The following EPC2 variants were observed in gnomAD, a reference collection of about 807,000 sequenced individuals.
The protein encoded by EPC2 is enhancer of polycomb 2.
A neutral mutation model predicts 92.1 loss-of-function variants in EPC2; 14 were observed. The observed-to-expected ratio is 0.15, with a 90% confidence interval of 0.10 to 0.24. The LOEUF (loss-of-function observed/expected upper bound fraction) is 0.24, where lower values mean the gene tolerates loss of function less well. EPC2 is among the 10% of genes least tolerant of loss of function. The probability of loss-of-function intolerance (pLI) is 1.00; values close to 1 mark genes in which losing one functional copy is unlikely to be tolerated. For missense variants in EPC2, 755 were observed against 971.5 expected (o/e 0.78, Z 2.96); for synonymous variants, 340 against 334.7 (o/e 1.02, Z -0.17).
chr2:148,735,459 G>C (rs1042371608), intron 2 of EPC2, among the ~76,000 whole-genome samples: 1 of 151,660 alleles, frequency 6.6e-6, no homozygotes, highest in Non-Finnish European at 1.5e-5. Context: ...TTTTCTCTGG[G>C]TCATTTTCTT....
intron 1 of EPC2, among the ~76,000 whole-genome samples, chr2:148,689,191 T>A (rs1477587115): frequency 6.6e-6 from 1 of 152,102 alleles, no homozygotes; most frequent in Non-Finnish European, 1.5e-5. Context: ...ATTTTTTTTT[T>A]TTTTGAGACG....
chr2:148,658,607 G>GTGTATA (rs1168257662), intron 1 of EPC2, among the ~76,000 whole-genome samples: 4,628 of 140,960 alleles, frequency 0.033, 149 homozygotes, highest in Admixed American at 0.083. Context: ...GTGTGTGTGT[G>GTGTATA]TATATATATA....
intron 1 of EPC2, among the ~76,000 whole-genome samples, chr2:148,676,506 A>T (rs1009909673): frequency 6.6e-6 from 1 of 152,152 alleles, no homozygotes; most frequent in African/African-American, 2.4e-5. Context: ...TTTAGAAAAT[A>T]CAGAGGGCAC....
chr2:148,761,815 A>T lies in EPC2; in HGVS notation c.700A>T (p.Met234Leu), dbSNP rs1344037312. Residue 234 changes from methionine (M) to leucine (L), a missense_variant, in exon 5 of 14, where the codon ATG (methionine) becomes TTG (leucine). Met to Leu is a conservative substitution (Grantham distance 15). Around this residue, in one of 4 missense-constraint regions of EPC2, gnomAD observed 509 missense variants for 607.7 expected, o/e 0.84. Transcript: ENST00000258484. ...RKNDEASYEKMLKLRREFSRA... is the reference protein window; with the variant it reads ...RKNDEASYEKLLKLRREFSRA... ...GAATGATGAAGCCTCTTATGAAAAG[A>T]TGTTGAAACTGAGACGAGAATTTAG... 1.3e-6 allele frequency: 2 copies of T among 1,570,516 alleles called. No homozygotes were observed. Among genetic ancestry groups the T allele is most frequent in the Non-Finnish European group, 1.7e-6 (2 of 1,160,564 alleles).
rs143397805 is a variant in EPC2, at chr2:148,735,471, C to G, written c.314-8151C>G. ...CATTTTTCTCTGGGTCATTTTCTTA[C>G]TGAATTTTTAAAGAGACTCTTTATA... On this transcript the variant is annotated intron_variant, in intron 2 of 13. Transcript: ENST00000258484. 1.6e-3 allele frequency among the ~76,000 whole-genome samples: 247 copies of G among 152,004 alleles called. 7 individuals are homozygous for G. The East Asian group carries it at 0.043, about 27-fold the overall frequency.
chr2:148,735,119 G>A (rs1277333536), intron 2 of EPC2, among the ~76,000 whole-genome samples: 1 of 151,998 alleles, frequency 6.6e-6, no homozygotes, highest in Non-Finnish European at 1.5e-5. Flanking sequence ...GGCCTTGTGT[G>A]TGTCATCTTG....
At chr2:148,779,489 G>T (rs529979489) in intron 10 of EPC2, among the ~76,000 whole-genome samples, 1 of 152,038 alleles carries the variant, frequency 6.6e-6, no homozygotes, top group Non-Finnish European at 1.5e-5. Flanking sequence ...AGGCTGAGGC[G>T]GGAGGATTGC....
chr2:148,662,581 A>G (rs1338951408), intron 1 of EPC2, among the ~76,000 whole-genome samples: 1 of 150,242 alleles, frequency 6.7e-6, no homozygotes, highest in Non-Finnish European at 1.5e-5. Flanking sequence ...AAAACCAAAC[A>G]CCGCGTGTTG....
At chr2:148,698,139 T>C (rs1164359709) in intron 2 of EPC2, among the ~76,000 whole-genome samples, 10 of 152,180 alleles carry the variant, frequency 6.6e-5, no homozygotes, top group Admixed American at 6.5e-4. Context: ...AGGCAGCCTC[T>C]ATGATGATGA....
At chr2:148,645,459 G>C (rs930163176) in intron 1 of EPC2, 1 of 377,034 alleles carries the variant, frequency 2.7e-6, no homozygotes. Flanking sequence ...CAGGGGATGC[G>C]CTGGCCGCTC....
rs886861087 is a variant in EPC2, at chr2:148,677,573, G to C, written c.154-12641G>C. Among the ~76,000 whole-genome samples the C allele has an allele frequency of 3.9e-5, 6 of 152,052 alleles. No homozygotes were observed. The East Asian group carries it at 1.2e-3, about 29-fold the overall frequency. On this transcript the variant is annotated intron_variant, in intron 1 of 13. Transcript: ENST00000258484. ...CACTTGTATTCCCAGCTACTTGAGA[G>C]GCTAAGGCAGTGTGTCCGGAATTGG...
chr2:148,695,857 G>GC (rs1489508094), intron 2 of EPC2, among the ~76,000 whole-genome samples: 1 of 152,212 alleles, frequency 6.6e-6, no homozygotes, highest in Non-Finnish European at 1.5e-5. Flanking sequence ...GTAAAACAAT[G>GC]CCATGGGTAC....
intron 2 of EPC2, among the ~76,000 whole-genome samples, chr2:148,715,602 TATC>T (rs756878943): frequency 6.6e-6 from 1 of 152,200 alleles, no homozygotes; most frequent in Admixed American, 6.5e-5. Context: ...CTTGTACTAA[TATC>T]ATGCTGTTTT....
chr2:148,663,056 T>C (rs1345418892), intron 1 of EPC2, among the ~76,000 whole-genome samples: 1 of 151,580 alleles, frequency 6.6e-6, no homozygotes, highest in Non-Finnish European at 1.5e-5. Context: ...TATAGTTAAC[T>C]GTGGCTGCAA....
intron 10 of EPC2, 117 bp from the exon 11 acceptor site, chr2:148,781,526 TA>T: frequency 1.1e-6 from 1 of 931,816 alleles, no homozygotes; most frequent in African/African-American, 1.7e-5. Context: ...TGATATTCCA[TA>T]TTGTAATTTG....
At chr2:148,668,152 C>T (rs898088302) in intron 1 of EPC2, among the ~76,000 whole-genome samples, 13 of 152,140 alleles carry the variant, frequency 8.5e-5, no homozygotes, top group Non-Finnish European at 1.9e-4. Context: ...CTGCCTCGGC[C>T]TCCCAAAGTG....
chr2:148,726,873 A>G (rs1163769611), intron 2 of EPC2, among the ~76,000 whole-genome samples: 4 of 147,350 alleles, frequency 2.7e-5, no homozygotes, highest in Non-Finnish European at 5.9e-5. Flanking sequence ...TTCCCTTTCC[A>G]TAAGGTTGCC....
chr2:148,654,919 T>C (rs1680760955), intron 1 of EPC2, among the ~76,000 whole-genome samples: 1 of 152,164 alleles, frequency 6.6e-6, no homozygotes, highest in Non-Finnish European at 1.5e-5. Flanking sequence ...GATTAGTTAG[T>C]TATGGGAAAG....
intron 3 of EPC2, among the ~76,000 whole-genome samples, chr2:148,749,254 G>GA (rs1222836276): frequency 6.6e-6 from 1 of 152,034 alleles, no homozygotes; most frequent in South Asian, 2.1e-4. Context: ...CAGCAGCAGT[G>GA]GTTTCCCTAC....
Sources: allele counts gnomAD v4.1 joint callset (sites outside exome capture counted in the v4.1 genomes callset), GRCh38; gene constraint gnomAD v4.1.1; regional missense constraint gnomAD v4.1.1; transcripts MANE v1.5; gene names NCBI Gene and HGNC (gene_info 2026-07-23, HGNC 2026-07-21).